The following ABLIM3 variants were observed in gnomAD, a reference collection of about 807,000 sequenced individuals.
The protein encoded by ABLIM3 is actin binding LIM protein family member 3.
Under a neutral mutation model 109.5 loss-of-function variants are expected in ABLIM3, and 61 were observed. The ratio of observed to expected loss-of-function variants is 0.56; its 90% CI spans 0.45 to 0.69. The LOEUF is 0.69. Among genes scored for constraint, ABLIM3 ranks in the 30% least tolerant of loss-of-function variants. ABLIM3 has a pLI of 0.00. For missense variants in ABLIM3, 796 were observed against 889.5 expected, an observed-to-expected ratio of 0.89 and a Z score of 1.34; for synonymous variants, 300 against 324.8, an observed-to-expected ratio of 0.92 and a Z score of 0.82.
At chr5:149,182,434 T>C (rs1756550307) in intron 2 of ABLIM3, among the ~76,000 whole-genome samples, 1 of 152,184 alleles carries the variant, frequency 6.6e-6, no homozygotes, top group Non-Finnish European at 1.5e-5. Flanking sequence ...GAGAAGAGTA[T>C]GTTTCTCAGT....
At chr5:149,162,975 A>G (rs1009867515) in intron 2 of ABLIM3, among the ~76,000 whole-genome samples, 3 of 152,226 alleles carry the variant, frequency 2.0e-5, no homozygotes, top group Non-Finnish European at 4.4e-5. Flanking sequence ...TGCATTGGAA[A>G]AGAAAGGAGG....
At chr5:149,225,982 G>GTGTATATATATA (rs1272837276) in intron 8 of ABLIM3, among the ~76,000 whole-genome samples, 3 of 45,518 alleles carry the variant, frequency 6.6e-5, no homozygotes, top group Admixed American at 3.2e-4. Flanking sequence ...GTGTGTGTGT[G>GTGTATATATATA]TATATATATA....
chr5:149,249,864 C>T lies in ABLIM3; in HGVS notation c.1729+20C>T. The T allele has an allele frequency of 2.5e-6, 4 of 1,614,142 alleles. No individual in the cohort carries two copies. The highest frequency in any genetic ancestry group is 3.4e-6 in the Non-Finnish European group (4 of 1,179,966). The stretch of plus-strand genomic sequence containing the variant: ...ACAGTGGTAAGTTCTACCTGCCCTA[C>T]CTTCAGCCCATCATGTCCCATGAGG... On this transcript the variant is annotated intron_variant, in intron 19 of 23. Transcript: ENST00000309868.
intron 11 of ABLIM3, 60 bp from the exon 12 acceptor site, chr5:149,239,188 C>T (rs1475608789): frequency 5.7e-6 from 9 of 1,573,390 alleles, no homozygotes; most frequent in African/African-American, 2.7e-5. Flanking sequence ...TCCTTCGTCT[C>T]GTCCTCCTCT....
At chr5:149,154,750 A>G (rs965632900) in intron 2 of ABLIM3, among the ~76,000 whole-genome samples, 2 of 152,198 alleles carry the variant, frequency 1.3e-5, no homozygotes, top group East Asian at 3.8e-4. Context: ...ACTATAAGCC[A>G]CATGATGATT....
chr5:149,189,609 TCGA>T (rs1757293618), intron 3 of ABLIM3, among the ~76,000 whole-genome samples: 1 of 152,184 alleles, frequency 6.6e-6, no homozygotes, highest in African/African-American at 2.4e-5. Flanking sequence ...GAAAAAATGC[TCGA>T]CATCATTAGC....
At chr5:149,230,522 C>T in intron 8 of ABLIM3, 127 bp from the exon 9 acceptor site, 1 of 979,172 alleles carries the variant, frequency 1.0e-6, no homozygotes, top group South Asian at 1.4e-5. Context: ...CTGGGAAAGC[C>T]AAGAGGGCCC....
chr5:149,254,563 C>T (rs1462028914), intron 23 of ABLIM3, among the ~76,000 whole-genome samples: 3 of 152,130 alleles, frequency 2.0e-5, no homozygotes, highest in African/African-American at 7.2e-5. Context: ...GGAATTGGCC[C>T]AGGGTAGACG....
chr5:149,252,315 A>T, intron 22 of ABLIM3, 107 bp downstream of exon 22: 1 of 1,317,808 alleles, frequency 7.6e-7, no homozygotes, highest in Middle Eastern at 1.9e-4. Flanking sequence ...GGGAACATAG[A>T]TAAATAACCC....
chr5:149,213,471 G>A (rs982803887), intron 7 of ABLIM3, among the ~76,000 whole-genome samples: 2 of 152,216 alleles, frequency 1.3e-5, no homozygotes, highest in Non-Finnish European at 2.9e-5. Flanking sequence ...GCTGTTGGAT[G>A]TGGGAAAGGT....
chr5:149,252,947 A>G, intron 23 of ABLIM3, 110 bp downstream of exon 23: 1 of 796,678 alleles, frequency 1.3e-6, no homozygotes, highest in Non-Finnish European at 2.1e-6. Context: ...TTAAGATCAC[A>G]CAGCTTATTG....
chr5:149,148,078 T>C (rs1753091560), intron 2 of ABLIM3, among the ~76,000 whole-genome samples: 2 of 152,172 alleles, frequency 1.3e-5, no homozygotes, highest in African/African-American at 4.8e-5. Flanking sequence ...AAGGATTAAA[T>C]GGGATTATGA....
chr5:149,216,775 G>C, intron 7 of ABLIM3, 184 bp from the exon 8 acceptor site: 1 of 591,582 alleles, frequency 1.7e-6, no homozygotes, highest in Non-Finnish European at 3.0e-6. Flanking sequence ...TCCATGGAGT[G>C]AATCACGAAG....
intron 2 of ABLIM3, among the ~76,000 whole-genome samples, chr5:149,149,555 A>G (rs1753239673): frequency 6.6e-6 from 1 of 152,230 alleles, no homozygotes; most frequent in African/African-American, 2.4e-5. Flanking sequence ...ATGGGTTGAA[A>G]AAGGGAAGAC....
At chr5:149,196,806 G>A (rs1347896442) in intron 3 of ABLIM3, among the ~76,000 whole-genome samples, 4 of 152,204 alleles carry the variant, frequency 2.6e-5, no homozygotes, top group African/African-American at 9.7e-5. Context: ...CCCATCATGT[G>A]TTGATTTCAC....
Position 149,250,503 on chromosome 5 carries a change from A to G in ABLIM3, c.1786A>G (p.Arg596Gly), listed in dbSNP as rs771233493. The G allele has an allele frequency of 1.0e-4, 163 of 1,614,074 alleles. No individual in the cohort carries two copies. The highest frequency in any genetic ancestry group is 1.3e-4 in the Non-Finnish European group (158 of 1,180,024). The change falls in exon 20 of 24, where the codon AGG becomes GGG. Residue 596 changes from arginine to glycine, a missense_variant and splice_region_variant. Physicochemically the swap from Arg to Gly is moderately radical, Grantham distance 125. Transcript: ENST00000309868. Reference protein sequence around the residue: ...LPAYRRNGLHRTPSADLFHYD... With the variant: ...LPAYRRNGLHGTPSADLFHYD... ...TGCCTACCGAAGAAATGGGCTGCAC[A>G]GGGTAAGAAGCTGTGCTGGAGGATG...
intron 10 of ABLIM3, among the ~76,000 whole-genome samples, 156 bp from the exon 11 acceptor site, chr5:149,237,292 T>A (rs894913170): frequency 1.3e-5 from 2 of 152,234 alleles, no homozygotes; most frequent in Admixed American, 1.3e-4. Context: ...ACCACTTTTA[T>A]TCTAACATTC....
chr5:149,182,157 C>T (rs773729317), intron 2 of ABLIM3, among the ~76,000 whole-genome samples: 14 of 152,134 alleles, frequency 9.2e-5, no homozygotes, highest in Non-Finnish European at 1.6e-4. Flanking sequence ...AAGTAGGTGA[C>T]CTTTAAATTC....
intron 2 of ABLIM3, 37 bp downstream of exon 2, chr5:149,142,145 G>T: frequency 6.3e-7 from 1 of 1,598,304 alleles, no homozygotes; most frequent in Non-Finnish European, 8.6e-7. Flanking sequence ...ATGGGAACAG[G>T]GGTGGGGGCG....
Sources: allele counts gnomAD v4.1 joint callset (sites outside exome capture counted in the v4.1 genomes callset), GRCh38; gene constraint gnomAD v4.1.1; transcripts MANE v1.5; gene names NCBI Gene and HGNC (gene_info 2026-07-23, HGNC 2026-07-21).